The following NALCN variants were observed in gnomAD, a reference collection of about 807,000 sequenced individuals.
The protein encoded by NALCN is sodium leak channel NALCN.
NALCN carries 111 observed loss-of-function variants against 225.3 expected under a neutral mutation model. That is an observed-to-expected ratio of 0.49 (90% confidence interval 0.42 to 0.58). The LOEUF (loss-of-function observed/expected upper bound fraction) is 0.58, where lower values mean the gene tolerates loss of function less well. Among genes scored for constraint, NALCN ranks in the 20% least tolerant of loss-of-function variants. The pLI is 0.00. For missense variants in NALCN, 1,378 were observed against 2,202.4 expected, an observed-to-expected ratio of 0.63 and a Z score of 7.49; for synonymous variants, 764 against 769.0, an observed-to-expected ratio of 0.99 and a Z score of 0.11.
At chr13:101,291,930 G>A (rs755772995) in intron 9 of NALCN, 60 bp downstream of exon 9, 28 of 1,526,350 alleles carry the variant, frequency 1.8e-5, no homozygotes, top group Non-Finnish European at 2.5e-5. Context: ...TCCACTGATG[G>A]TGAGGGTGAG....
At position 101,143,232 on chromosome 13, in the gene NALCN, G is replaced by T; in HGVS notation, c.1977-11C>A. ...TTCATAAAACTCTCCCTTTGCAAAT[G>T]AAGTATATGTGCATCAGGCATTATT... is the stretch of plus-strand genomic sequence containing the variant. On this transcript the variant is annotated splice_polypyrimidine_tract_variant and intron_variant, in intron 16 of 43. Transcript: ENST00000251127. 6.2e-7 allele frequency: 1 copy of T among 1,603,420 alleles called. No individual in the cohort carries two copies. The highest frequency in any genetic ancestry group is 1.1e-5 in the South Asian group (1 of 89,342).
intron 9 of NALCN, among the ~76,000 whole-genome samples, chr13:101,287,378 G>A (rs1181718915): frequency 6.6e-6 from 1 of 152,134 alleles, no homozygotes; most frequent in African/African-American, 2.4e-5. Flanking sequence ...TTGAAAGGTG[G>A]TAGCATCTCA....
intron 12 of NALCN, among the ~76,000 whole-genome samples, chr13:101,232,468 C>T (rs1480068265): frequency 2.8e-5 from 4 of 142,696 alleles, no homozygotes; most frequent in South Asian, 2.2e-4. Flanking sequence ...TTTTTTGTGA[C>T]GGAGTCTCAC....
At chr13:101,119,237 T>C (rs1179534181) in intron 18 of NALCN, among the ~76,000 whole-genome samples, 1 of 152,236 alleles carries the variant, frequency 6.6e-6, no homozygotes, top group Non-Finnish European at 1.5e-5. Flanking sequence ...GTTGTATTTA[T>C]AGTCATTAAA....
intron 10 of NALCN, among the ~76,000 whole-genome samples, chr13:101,273,647 A>G (rs1005976506): frequency 1.3e-5 from 2 of 152,174 alleles, no homozygotes; most frequent in Non-Finnish European, 2.9e-5. Context: ...TAAATGGGCA[A>G]ATGAGATAAA....
Position 101,100,794 on chromosome 13 carries a change from A to G in NALCN, c.3152T>C (p.Ile1051Thr). The G allele has an allele frequency of 4.4e-6, 7 of 1,607,408 alleles. No individual in the cohort carries two copies. The highest frequency in any genetic ancestry group is 5.9e-6 in the Non-Finnish European group (7 of 1,176,762). Reference sequence around the variant, plus strand: ...AAAGATACATCTTACCCTTCTAATAATGTTGGGATCATTGCACTTGGCCAG... The same window carrying G: ...AAAGATACATCTTACCCTTCTAATAGTGTTGGGATCATTGCACTTGGCCAG... ...GKLAKCNDPN[I>T]IRREDCNGIF... The change falls in exon 27 of 44, where the codon ATT (isoleucine) becomes ACT (threonine). Residue 1051 changes from isoleucine (I) to threonine (T), a missense_variant. This residue lies in a region of NALCN where 292 missense variants were observed against 409.5 expected (regional missense o/e 0.71). Transcript: ENST00000251127.
Position 101,237,918 on chromosome 13 carries a change from G to A in NALCN, c.1271C>T (p.Ala424Val). 4 of 1,596,042 alleles carry A rather than the reference G, an allele frequency of 2.5e-6. No individual in the cohort carries two copies. The highest frequency in any genetic ancestry group is 2.7e-5 in the African/African-American group (2 of 73,680). Residue 424 changes from alanine (A) to valine (V), a missense_variant, in exon 12 of 44, where the codon GCT (alanine) becomes GTT (valine). Transcript: ENST00000251127. Reference protein sequence around the residue: ...QYDEFYLAEVAFTVLFDLEAL... With the variant: ...QYDEFYLAEVVFTVLFDLEAL... ...TTCCAAATCAAAAAGTACTGTAAAA[G>A]CCACCTAGAGAAACAAAGAAACATT... is the stretch of plus-strand genomic sequence containing the variant.
chr13:101,222,418 G>A (rs1042312645), intron 13 of NALCN, among the ~76,000 whole-genome samples: 2 of 151,980 alleles, frequency 1.3e-5, no homozygotes, highest in East Asian at 1.9e-4. Context: ...CCTCAATACC[G>A]ATTTTAGATC....
intron 43 of NALCN, among the ~76,000 whole-genome samples, chr13:101,055,912 T>C (rs1342078587): frequency 1.3e-5 from 2 of 152,038 alleles, no homozygotes; most frequent in East Asian, 3.9e-4. Context: ...AAAGGTGTGG[T>C]TCTGGGGCCT....
chr13:101,389,791 T>C (rs555493785), intron 3 of NALCN, among the ~76,000 whole-genome samples: 10 of 152,206 alleles, frequency 6.6e-5, no homozygotes, highest in Admixed American at 6.5e-4. Flanking sequence ...ATGAATGAAA[T>C]AATACATAGG....
intron 6 of NALCN, among the ~76,000 whole-genome samples, chr13:101,356,354 T>C (rs2046060620): frequency 6.6e-6 from 1 of 152,058 alleles, no homozygotes; most frequent in Admixed American, 6.6e-5. Context: ...CAATAAAAAA[T>C]GATAACGGGG....
intron 30 of NALCN, among the ~76,000 whole-genome samples, chr13:101,088,714 A>C (rs1274568339): frequency 2.0e-5 from 3 of 152,160 alleles, no homozygotes; most frequent in African/African-American, 7.2e-5. Flanking sequence ...TGCCTAGATG[A>C]GCAAGCCCCT....
chr13:101,310,432 G>A lies in NALCN; in HGVS notation c.800-18066C>T, dbSNP rs74921779. On this transcript the variant is annotated intron_variant, in intron 7 of 43. Transcript: ENST00000251127. Reference sequence around the variant, plus strand: ...CAAGGCCTTTGCAAGGGCTGTTCCCGATGCCCTGCACACTCTTCCCCAGAG... The same window carrying A: ...CAAGGCCTTTGCAAGGGCTGTTCCCAATGCCCTGCACACTCTTCCCCAGAG... Among the ~76,000 whole-genome samples, 31 of 152,012 alleles carry A rather than the reference G, an allele frequency of 2.0e-4. No homozygotes were observed. The East Asian group carries it at 3.5e-3, about 17-fold the overall frequency.
At chr13:101,343,232 T>C (rs150094376) in intron 7 of NALCN, among the ~76,000 whole-genome samples, 15 of 152,290 alleles carry the variant, frequency 9.8e-5, no homozygotes, top group African/African-American at 3.6e-4. Context: ...TCAATTTCAA[T>C]CTAAATTATA....
rs368255403 is a variant in NALCN, at chr13:101,378,559, T to C, written c.375+11A>G. On this transcript the variant is annotated intron_variant, in intron 4 of 43. Coordinates refer to ENST00000251127, the MANE Select transcript of NALCN (RefSeq NM_052867.4). ...GAATACCTGCTTGTAATTTAAAAAA[T>C]ATTTAATTACCTGTAGCACCAAAGA... is the stretch of plus-strand genomic sequence containing the variant. 5.5e-4 allele frequency: 866 copies of C among 1,586,860 alleles called. 2 individuals carry two copies. Among genetic ancestry groups the C allele is most frequent in the Non-Finnish European group, 2.8e-4 (324 of 1,166,660 alleles).
intron 17 of NALCN, among the ~76,000 whole-genome samples, chr13:101,135,924 T>TA (rs2036764042): frequency 6.6e-6 from 1 of 152,210 alleles, no homozygotes; most frequent in Non-Finnish European, 1.5e-5. Context: ...AAAATGCGAT[T>TA]AAAAATCTTT....
Position 101,103,259 on chromosome 13 carries a change from G to T in NALCN, c.2970C>A (p.Cys990Ter), listed in dbSNP as rs2034920576. 1 of 1,613,876 alleles carries T rather than the reference G, an allele frequency of 6.2e-7. No homozygotes were observed. Among genetic ancestry groups the T allele is most frequent in the Non-Finnish European group, 8.5e-7 (1 of 1,179,936 alleles). Reference protein sequence around the residue: ...SGAQLLMVLRCLRPLRIFKLV... With the variant: ...SGAQLLMVLR ...GTTTGAATATGCGCAGAGGTCTCAGGCACCGAAGGACCATTAGAAGCTGAG... is the reference window on the plus strand; with the variant it reads ...GTTTGAATATGCGCAGAGGTCTCAGTCACCGAAGGACCATTAGAAGCTGAG... Residue 990 changes from cysteine (C) to a stop codon, truncating the protein, a stop_gained, in exon 26 of 44, where the codon TGC becomes TGA. Transcript: ENST00000251127. LOFTEE classifies it high-confidence loss of function.
chr13:101,142,850 G>T (rs185599241), intron 17 of NALCN: 25 of 505,852 alleles, frequency 4.9e-5, no homozygotes, highest in South Asian at 3.3e-4. Flanking sequence ...TGTTTACAAA[G>T]TCGCATGGCT....
intron 7 of NALCN, among the ~76,000 whole-genome samples, chr13:101,340,209 A>G (rs1297524666): frequency 1.3e-5 from 2 of 151,932 alleles, no homozygotes; most frequent in African/African-American, 4.8e-5. Flanking sequence ...CAAAGTTTGC[A>G]GTGAGCCAAA....
Sources: allele counts gnomAD v4.1 joint callset (sites outside exome capture counted in the v4.1 genomes callset), GRCh38; gene constraint gnomAD v4.1.1; regional missense constraint gnomAD v4.1.1; transcripts MANE v1.5; gene names NCBI Gene and HGNC (gene_info 2026-07-23, HGNC 2026-07-21).